GIPC2: variants seen among roughly 807,000 people sequenced by gnomAD.
GIPC2 encodes GIPC PDZ domain containing family member 2, also known as PDZ domain-containing protein GIPC2.
GIPC2 carries 30 observed loss-of-function variants against 30.6 expected under a neutral mutation model. The ratio of observed to expected loss-of-function variants is 0.98; its 90% CI spans 0.73 to 1.33. GIPC2 has a LOEUF of 1.33. Among genes scored for constraint, GIPC2 ranks in the 40% most tolerant of loss-of-function variants. GIPC2 has a pLI of 0.00. For missense variants in GIPC2, 414 were observed against 390.3 expected (o/e 1.06, Z -0.51); for synonymous variants, 167 against 150.0 (o/e 1.11, Z -0.83).
At chr1:78,080,944 C>G in intron 2 of GIPC2, 84 bp downstream of exon 2, 1 of 729,808 alleles carries the variant, frequency 1.4e-6, no homozygotes. Context: ...TAGAAATGAT[C>G]TTCAGAGTGA....
intron 2 of GIPC2, among the ~76,000 whole-genome samples, chr1:78,082,943 C>T (rs1203530751): frequency 2.6e-5 from 4 of 151,408 alleles, no homozygotes; most frequent in Admixed American, 2.6e-4. Context: ...CTCATACACA[C>T]ACATATATAT....
At chr1:78,045,532 A>AG (rs1194110259), upstream of GIPC2, 1 of 984,748 alleles carries the variant, frequency 1.0e-6, no homozygotes, top group Non-Finnish European at 1.2e-6. Context: ...GACCCGGCTG[A>AG]GGGGGTTTAT....
intron 1 of GIPC2, among the ~76,000 whole-genome samples, chr1:78,054,275 G>A (rs183230288): frequency 6.6e-6 from 1 of 152,294 alleles, no homozygotes; most frequent in Admixed American, 6.5e-5. Flanking sequence ...GTTTCTTCCT[G>A]AGGGCTGGGA....
chr1:78,090,456 A>G (rs1164399840), intron 2 of GIPC2, among the ~76,000 whole-genome samples: 1 of 152,110 alleles, frequency 6.6e-6, no homozygotes, highest in African/African-American at 2.4e-5. Context: ...CACCCTCCCA[A>G]AGTGCTAGGA....
At chr1:78,132,660 C>T (rs1324043984) in intron 5 of GIPC2, among the ~76,000 whole-genome samples, 1 of 54,160 alleles carries the variant, frequency 1.8e-5, no homozygotes, top group African/African-American at 4.8e-5. Context: ...CTCTTATAGC[C>T]AAGGATGTGT....
chr1:78,069,547 T>G (rs575963096), intron 1 of GIPC2, among the ~76,000 whole-genome samples: 7 of 151,066 alleles, frequency 4.6e-5, no homozygotes, highest in Non-Finnish European at 1.0e-4. Context: ...AATCTTGGCT[T>G]ACTGCAACCT....
At chr1:78,110,332 G>T (rs1662444049) in intron 3 of GIPC2, among the ~76,000 whole-genome samples, 4 of 152,194 alleles carry the variant, frequency 2.6e-5, no homozygotes, top group Admixed American at 2.6e-4. Context: ...TTGTAGAAAT[G>T]TGTCATTCTC....
At chr1:78,108,276 AG>A (rs1662398142) in intron 3 of GIPC2, among the ~76,000 whole-genome samples, 1 of 152,200 alleles carries the variant, frequency 6.6e-6, no homozygotes, top group South Asian at 2.1e-4. Flanking sequence ...TCTGGATTAA[AG>A]GTATGAACTT....
chr1:78,053,817 G>A (rs140324395), intron 1 of GIPC2, among the ~76,000 whole-genome samples: 1 of 148,288 alleles, frequency 6.7e-6, no homozygotes, highest in Non-Finnish European at 1.5e-5. Flanking sequence ...TGTAGTCCCA[G>A]TATTCAGGAG....
At chr1:78,129,016 A>AAAT (rs374759800) in intron 5 of GIPC2, among the ~76,000 whole-genome samples, 1,740 of 142,306 alleles carry the variant, frequency 0.012, 9 homozygotes, top group Middle Eastern at 0.047. Context: ...AAAAATAAAT[A>AAAT]AATAAATAAA....
chr1:78,090,441 C>T (rs912984219), intron 2 of GIPC2, among the ~76,000 whole-genome samples: 11 of 152,034 alleles, frequency 7.2e-5, no homozygotes, highest in Non-Finnish European at 1.0e-4. Context: ...GTGATCTGCC[C>T]GCCTCACCCT....
intron 5 of GIPC2, among the ~76,000 whole-genome samples, chr1:78,129,413 C>T (rs527821106): frequency 1.3e-5 from 2 of 152,064 alleles, no homozygotes; most frequent in Non-Finnish European, 2.9e-5. Flanking sequence ...ATTCTTAATG[C>T]AAATTACACT....
chr1:78,080,904 T>C (rs763209844), intron 2 of GIPC2, 44 bp downstream of exon 2: 14 of 1,173,182 alleles, frequency 1.2e-5, no homozygotes, highest in South Asian at 9.5e-5. Context: ...GAGGATAACA[T>C]TTAAGAAAAT....
At chr1:78,134,071 A>G (rs1662955012) in intron 5 of GIPC2, among the ~76,000 whole-genome samples, 1 of 152,158 alleles carries the variant, frequency 6.6e-6, no homozygotes, top group African/African-American at 2.4e-5. Context: ...AATGGTATTT[A>G]AGAACCAAGA....
intron 3 of GIPC2, among the ~76,000 whole-genome samples, chr1:78,107,780 G>A (rs1284095403): frequency 7.2e-6 from 1 of 138,030 alleles, no homozygotes; most frequent in African/African-American, 2.8e-5. Context: ...AGCTGAGATG[G>A]TGCCAACGCA....
At chr1:78,086,709 G>T (rs1292706048) in intron 2 of GIPC2, among the ~76,000 whole-genome samples, 1 of 152,072 alleles carries the variant, frequency 6.6e-6, no homozygotes, top group Non-Finnish European at 1.5e-5. Flanking sequence ...GATCTTTGTT[G>T]GTTTGAAGTC....
chr1:78,093,703 C>T (rs1000715300), intron 2 of GIPC2, among the ~76,000 whole-genome samples: 6 of 152,126 alleles, frequency 3.9e-5, no homozygotes, highest in African/African-American at 1.4e-4. Flanking sequence ...TGTTATACTT[C>T]CACCTAGCAA....
At chr1:78,074,671 C>G (rs969422724) in intron 1 of GIPC2, among the ~76,000 whole-genome samples, 1 of 152,172 alleles carries the variant, frequency 6.6e-6, no homozygotes, top group Non-Finnish European at 1.5e-5. Flanking sequence ...AACTCTTAAT[C>G]CATTATTTTC....
At chr1:78,086,220 G>A (rs1475853958) in intron 2 of GIPC2, among the ~76,000 whole-genome samples, 1 of 152,094 alleles carries the variant, frequency 6.6e-6, no homozygotes, top group Non-Finnish European at 1.5e-5. Context: ...TAATTTCCAT[G>A]TAATTGCATG....
Sources: allele counts gnomAD v4.1 joint callset (sites outside exome capture counted in the v4.1 genomes callset), GRCh38; gene constraint gnomAD v4.1.1; transcripts MANE v1.5; gene names NCBI Gene and HGNC (gene_info 2026-07-23, HGNC 2026-07-21).